Variants in COLGALT1 observed in about 807,000 individuals in gnomAD.
COLGALT1 encodes the protein collagen beta(1-O)galactosyltransferase 1, also known as procollagen galactosyltransferase 1.
In COLGALT1, 43 loss-of-function variants were observed where a neutral mutation model predicts 60.8. That is an observed-to-expected ratio of 0.71 (90% CI 0.55 to 0.91). COLGALT1 has a LOEUF of 0.91. Ranked by LOEUF, COLGALT1 falls within the 40% of genes least tolerant of loss-of-function variation. The pLI, the probability that COLGALT1 is intolerant of heterozygous loss-of-function variation, is 0.00. For synonymous variants in COLGALT1, 369 were observed against 374.2 expected, an observed-to-expected ratio of 0.99 and a Z score of 0.16; for missense variants, 845 against 880.0, an observed-to-expected ratio of 0.96 and a Z score of 0.50.
Position 17,560,439 on chromosome 19 carries a change from C to T in COLGALT1, c.463C>T (p.Arg155Ter), listed in dbSNP as rs142311552. ...KLRQAALKSA[R>*]DMWADYILFV... is the part of the protein sequence containing the mutation. Reference sequence around the variant, plus strand: ...GCGCCAGGCAGCCCTGAAATCAGCTCGAGACATGTGGGCTGATTACATCCT... The same window carrying T: ...GCGCCAGGCAGCCCTGAAATCAGCTTGAGACATGTGGGCTGATTACATCCT... The change falls in exon 3 of 12, where the codon CGA (arginine) becomes TGA (stop). Residue 155 changes from arginine (R) to a stop codon, truncating the protein, a stop_gained. Transcript: ENST00000252599. LOFTEE classifies it high-confidence loss of function. The T allele has an allele frequency of 5.0e-6, 8 of 1,614,112 alleles. No homozygotes were observed. The highest frequency in any genetic ancestry group is 6.8e-6 in the Non-Finnish European group (8 of 1,179,994).
chr19:17,559,980 G>C (rs543792735), intron 2 of COLGALT1, among the ~76,000 whole-genome samples: 2 of 152,206 alleles, frequency 1.3e-5, no homozygotes, highest in South Asian at 4.1e-4. Context: ...TGTAGAGATA[G>C]GGTCTCACTG....
chr19:17,566,578 G>A (rs1039058641), intron 3 of COLGALT1, among the ~76,000 whole-genome samples: 3 of 152,060 alleles, frequency 2.0e-5, no homozygotes, highest in African/African-American at 4.8e-5. Context: ...GAGCCCAGGA[G>A]TTCAAAACCA....
Position 17,581,644 on chromosome 19 carries a change from C to T in COLGALT1, c.*200C>T. On this transcript the variant is annotated 3_prime_UTR_variant, in exon 12 of 12. Coordinates refer to ENST00000252599, the MANE Select transcript of COLGALT1 (RefSeq NM_024656.4). ...TGCCTACTGCATGCCAGCAACAGGG[C>T]TTGGCCCTGGGGAATTGGGAGGAAC... is the stretch of plus-strand genomic sequence containing the variant. 1 of 704,972 alleles carries T rather than the reference C, an allele frequency of 1.4e-6. No individual in the cohort carries two copies. The highest frequency in any genetic ancestry group is 2.8e-5 in the East Asian group (1 of 36,356). 43.7% of individuals were successfully genotyped at this position (704,972 alleles called of 1,614,324 possible). A position where few individuals can be genotyped will look rare whatever the true frequency, so the allele number is the denominator to read the frequency against.
At chr19:17,577,018 A>T (rs1284748624) in intron 6 of COLGALT1, 177 bp from the exon 7 acceptor site, 1 of 383,944 alleles carries the variant, frequency 2.6e-6, no homozygotes, top group Non-Finnish European at 4.8e-6. Context: ...GCTGCTGTGC[A>T]GGGTTCAAAT....
intron 4 of COLGALT1, 77 bp from the exon 5 acceptor site, chr19:17,568,432 T>C (rs905382190): frequency 5.4e-6 from 7 of 1,300,466 alleles, no homozygotes; most frequent in Non-Finnish European, 7.8e-6. Flanking sequence ...TGGTCCTGTT[T>C]CATGCCGCCC....
Position 17,567,525 on chromosome 19 carries a change from T to C in COLGALT1, c.609T>C (p.Cys203=). 2.5e-6 allele frequency: 4 copies of C among 1,613,158 alleles called. No individual in the cohort carries two copies. Among genetic ancestry groups the C allele is most frequent in the Non-Finnish European group, 3.4e-6 (4 of 1,179,600 alleles). ...GGGCTGCGTACTCCAACTTCTGGTG[T>C]GGAATGACTTCCCAGGTAGAGTGAG... The part of the protein sequence containing the change: ...DSRAAYSNFW[C]GMTSQGYYKR... The change falls in exon 4 of 12, where the codon TGT becomes TGC. Residue 203 remains cysteine, a synonymous_variant. Coordinates refer to ENST00000252599, the MANE Select transcript of COLGALT1 (RefSeq NM_024656.4).
intron 1 of COLGALT1, among the ~76,000 whole-genome samples, chr19:17,557,772 TTGTATTTTTTCTAGAGA>T (rs1568471295): frequency 6.6e-6 from 1 of 152,118 alleles, no homozygotes; most frequent in African/African-American, 2.4e-5. Context: ...CAGCTAATTT[TTGTATTTTTTCTAGAGA>T]TGGGGTTTTG....
rs1357137537 is a variant in COLGALT1, at chr19:17,555,759, C to G, written c.46C>G (p.Leu16Val). 4 of 1,220,812 alleles carry G rather than the reference C, an allele frequency of 3.3e-6. No homozygotes were observed. In the African/African-American group the frequency reaches 4.7e-5, roughly 14 times the overall value. The allele number at this position is 1,220,812 out of a possible 1,614,324, so 75.6% of individuals were successfully genotyped here. The change falls in exon 1 of 12, where the codon CTG (leucine) becomes GTG (valine). Residue 16 changes from leucine to valine, a missense_variant. Transcript: ENST00000252599. ...RAGRRRGQPL[L>V]ALLLLLLAPL... Reference sequence around the variant, plus strand: ...GGGCCGGCGGCGCGGGCAGCCGCTCCTGGCGCTGCTGCTTCTGCTGCTGGC... The same window carrying G: ...GGGCCGGCGGCGCGGGCAGCCGCTCGTGGCGCTGCTGCTTCTGCTGCTGGC...
intron 5 of COLGALT1, among the ~76,000 whole-genome samples, chr19:17,571,020 TTTC>T (rs2076309440): frequency 6.6e-6 from 1 of 152,240 alleles, no homozygotes; most frequent in Non-Finnish European, 1.5e-5. Flanking sequence ...CTGTAGCTGC[TTTC>T]AAGTGCCACA....
Position 17,567,545 on chromosome 19 carries a change from A to G in COLGALT1, c.624+5A>G, listed in dbSNP as rs1226463404. 1.9e-6 allele frequency: 3 copies of G among 1,611,658 alleles called. No homozygotes were observed. Among genetic ancestry groups the G allele is most frequent in the East Asian group, 2.2e-5 (1 of 44,822 alleles). On this transcript the variant is annotated splice_donor_5th_base_variant and intron_variant, in intron 4 of 11. Transcript: ENST00000252599. ...TGGTGTGGAATGACTTCCCAGGTAGAGTGAGGGCCTGGGGACTGTGGGGAC... is the reference window on the plus strand; with the variant it reads ...TGGTGTGGAATGACTTCCCAGGTAGGGTGAGGGCCTGGGGACTGTGGGGAC...
chr19:17,556,056 C>T, intron 1 of COLGALT1, 83 bp downstream of exon 1: 2 of 1,248,288 alleles, frequency 1.6e-6, no homozygotes, highest in African/African-American at 1.6e-5. Context: ...CACGCGAGCC[C>T]CTGCCCGCTG....
In COLGALT1 at chr19:17,568,662, A is replaced by C; in HGVS notation, c.778A>C (p.Thr260Pro). ...CTTCTACCCACCTCACCCTGACTAC[A>C]CCTGGTCCTTTGACGACATCATCGT... is the stretch of plus-strand genomic sequence containing the variant. Reference protein sequence around the residue: ...LAFYPPHPDYTWSFDDIIVFA... With the variant: ...LAFYPPHPDYPWSFDDIIVFA... Residue 260 changes from threonine to proline, a missense_variant, in exon 5 of 12, where the codon ACC becomes CCC. Transcript: ENST00000252599. 6.2e-7 allele frequency: 1 copy of C among 1,614,046 alleles called. No homozygotes were observed. Among genetic ancestry groups the C allele is most frequent in the Non-Finnish European group, 8.5e-7 (1 of 1,179,990 alleles).
intron 1 of COLGALT1, 43 bp from the exon 2 acceptor site, chr19:17,559,268 C>G (rs372693441): frequency 6.9e-7 from 1 of 1,444,294 alleles, no homozygotes; most frequent in African/African-American, 1.4e-5. Flanking sequence ...CCTGGTCCTG[C>G]CTCAGTCTCC....
At chr19:17,574,262 C>T (rs1343326756) in intron 6 of COLGALT1, among the ~76,000 whole-genome samples, 2 of 151,808 alleles carry the variant, frequency 1.3e-5, no homozygotes, top group Non-Finnish European at 2.9e-5. Context: ...GATTTCTGAA[C>T]GAGTCTATCT....
rs570067963 is a variant in COLGALT1 at position 17,576,191 on chromosome 19, G to A, written c.950-1004G>A. Among the ~76,000 whole-genome samples, 8 of 152,276 alleles carry A rather than the reference G, an allele frequency of 5.3e-5. No individual in the cohort carries two copies. The South Asian group carries it at 1.7e-3, about 32-fold the overall frequency. ...ACATACCTGGTGTCCTTCCCAAAGG[G>A]CTCACAACAGACAGGCACAGGGCCA... On this transcript the variant is annotated intron_variant, in intron 6 of 11. Transcript: ENST00000252599.
chr19:17,579,199 A>G (rs2076363312), intron 9 of COLGALT1, among the ~76,000 whole-genome samples: 1 of 151,756 alleles, frequency 6.6e-6, no homozygotes, highest in Admixed American at 6.6e-5. Flanking sequence ...GAAAAGAAAA[A>G]CTTGTTATCG....
rs145541293 is a variant in COLGALT1 at position 17,568,541 on chromosome 19, T to C, written c.657T>C (p.Pro219=). 165 of 1,614,188 alleles carry C rather than the reference T, an allele frequency of 1.0e-4. No individual in the cohort carries two copies. The African/African-American group carries it at 1.8e-3, about 18-fold the overall frequency. Residue 219 remains proline (P), a synonymous_variant, in exon 5 of 12, where the codon CCT becomes CCC. Transcript: ENST00000252599. The stretch of plus-strand genomic sequence containing the variant: ...ACAAGCGCACACCTGCCTACATCCC[T>C]ATCCGCAAGCGAGACCGCCGGGGCT... ...GYYKRTPAYI[P]IRKRDRRGCF...
At chr19:17,563,254 G>A (rs2076259911) in intron 3 of COLGALT1, among the ~76,000 whole-genome samples, 1 of 145,946 alleles carries the variant, frequency 6.9e-6, no homozygotes, top group Non-Finnish European at 1.5e-5. Context: ...GCAGTGGCGC[G>A]ATCTTGGCTC....
chr19:17,580,638 T>C, intron 10 of COLGALT1, 61 bp from the exon 11 acceptor site: 1 of 1,577,138 alleles, frequency 6.3e-7, no homozygotes, highest in African/African-American at 1.3e-5. Context: ...ATCCCTGGCT[T>C]TCTGGGCAAG....
Sources: gnomAD v4.1 joint callset for allele counts (sites outside exome capture counted in the v4.1 genomes callset) on GRCh38, gnomAD v4.1.1 for gene constraint, MANE v1.5 for transcripts, NCBI Gene and HGNC (gene_info 2026-07-23, HGNC 2026-07-21) for gene names.